The following ASPM variants were observed in gnomAD, a reference collection of about 807,000 sequenced individuals.
The protein encoded by ASPM is assembly factor for spindle microtubules, also known as abnormal spindle-like microcephaly-associated protein.
A neutral mutation model predicts 366.4 loss-of-function variants in ASPM; 256 were observed. The ratio of observed to expected loss-of-function variants is 0.70; its 90% CI spans 0.63 to 0.77. ASPM has a LOEUF of 0.77. Ranked by LOEUF, ASPM falls within the 30% of genes least tolerant of loss-of-function variation. The pLI is 0.00. For missense variants in ASPM, 4,146 were observed against 4,090.4 expected (o/e 1.01, Z -0.37); for synonymous variants, 1,414 against 1,342.9 (o/e 1.05, Z -1.16).
rs542824846 is a variant in ASPM at position 197,093,390 on chromosome 1, T to C, written c.9085-129A>G. ...TATAGTCTAAGAATGCCATGTTTCA[T>C]AGATATGAAATGATGATGAAGCATT... On this transcript the variant is annotated intron_variant, in intron 20 of 27. Coordinates refer to ENST00000367409, the MANE Select transcript of ASPM (RefSeq NM_018136.5). The C allele has an allele frequency of 1.2e-3, 973 of 832,404 alleles. 1 individual carries two copies. The highest frequency in any genetic ancestry group is 1.6e-3 in the Non-Finnish European group (813 of 501,738). 51.6% of individuals were successfully genotyped at this position (832,404 alleles called of 1,614,324 possible).
In ASPM at chr1:197,084,261, T is replaced by A. The variant is rs1462689843; in HGVS notation, c.*63A>T. 8.0e-7 allele frequency: 1 copy of A among 1,248,984 alleles called. No individual in the cohort carries two copies. Among genetic ancestry groups the A allele is most frequent in the Non-Finnish European group, 1.2e-6 (1 of 853,560 alleles). The allele number at this position is 1,248,984 out of a possible 1,614,324, so 77.4% of individuals were successfully genotyped here. A position where few individuals can be genotyped will look rare whatever the true frequency, so the allele number is the denominator to read the frequency against. Reference sequence around the variant, plus strand: ...TGTACACGGAGAGCAAAAATCACTTTACGTACTCATGATTGGCTTTAATAT... The same window carrying A: ...TGTACACGGAGAGCAAAAATCACTTAACGTACTCATGATTGGCTTTAATAT... On this transcript the variant is annotated 3_prime_UTR_variant, in exon 28 of 28. Transcript: ENST00000367409.
At chr1:197,118,984 G>C (rs1019606924) in intron 16 of ASPM, among the ~76,000 whole-genome samples, 2 of 151,682 alleles carry the variant, frequency 1.3e-5, no homozygotes, top group Non-Finnish European at 2.9e-5. Context: ...TGCAAGGGTA[G>C]GCTCTACACA....
rs2125093287 is a variant in ASPM at position 197,100,546 on chromosome 1, T to C, written c.8705A>G (p.Gln2902Arg). 3 of 1,611,744 alleles carry C rather than the reference T, an allele frequency of 1.9e-6. No individual in the cohort carries two copies. The highest frequency in any genetic ancestry group is 2.5e-6 in the Non-Finnish European group (3 of 1,178,618). The change falls in exon 18 of 28, where the codon CAA becomes CGA. Residue 2902 changes from glutamine (Q) to arginine (R), a missense_variant. By Grantham distance (43) the Gln-to-Arg change is conservative. Around this residue, in one of 3 missense-constraint regions of ASPM, gnomAD observed 3,624 missense variants for 3,591.7 expected, o/e 1.01. Coordinates refer to ENST00000367409, the MANE Select transcript of ASPM (RefSeq NM_018136.5). ...HYRAFLSAKH[Q>R]RQVYLQIRSS... ...TCTGATCTGTAAATAGACTTGTCTT[T>C]GATGTTTTGCAGACAGAAATGCTCT...
chr1:197,098,379 A>C (rs1298654115), intron 18 of ASPM, among the ~76,000 whole-genome samples: 1 of 151,666 alleles, frequency 6.6e-6, no homozygotes, highest in Non-Finnish European at 1.5e-5. Context: ...TTAAAATTCC[A>C]GGTGACTCCA....
Position 197,102,089 on chromosome 1 carries a change from C to T in ASPM, c.7162G>A (p.Ala2388Thr). Residue 2388 changes from alanine (A) to threonine (T), a missense_variant, in exon 18 of 28, where the codon GCT becomes ACT. By Grantham distance (58) the Ala-to-Thr change is moderately conservative. Coordinates refer to ENST00000367409, the MANE Select transcript of ASPM (RefSeq NM_018136.5). ...RQHYLRQRHS[A>T]VILQAAFRGM... is the part of the protein sequence containing the mutation. ...CTGAATGCAGCCTGAAGGATCACAG[C>T]AGAGTGTCTTTGTCTGAGATAATGC... is the stretch of plus-strand genomic sequence containing the variant. 6.2e-7 allele frequency: 1 copy of T among 1,612,978 alleles called. No individual in the cohort carries two copies. The highest frequency in any genetic ancestry group is 8.5e-7 in the Non-Finnish European group (1 of 1,179,310).
intron 26 of ASPM, among the ~76,000 whole-genome samples, chr1:197,087,574 T>C (rs1656636211): frequency 6.6e-6 from 1 of 152,090 alleles, no homozygotes; most frequent in Non-Finnish European, 1.5e-5. Context: ...ACCTATCATA[T>C]CCAGTTACCA....
intron 4 of ASPM, among the ~76,000 whole-genome samples, chr1:197,136,861 C>A (rs950840344): frequency 1.3e-5 from 2 of 151,990 alleles, no homozygotes; most frequent in African/African-American, 4.8e-5. Flanking sequence ...GAAACAAACA[C>A]TAATTTTTTT....
At position 197,103,207 on chromosome 1, in the gene ASPM, T is replaced by C. The variant is rs998764604; in HGVS notation, c.6044A>G (p.His2015Arg). The C allele has an allele frequency of 6.2e-7, 1 of 1,612,682 alleles. No homozygotes were observed. Among genetic ancestry groups the C allele is most frequent in the African/African-American group, 1.3e-5 (1 of 74,798 alleles). The part of the protein sequence containing the change: ...RAYSIGREQN[H>R]LYLKTKAAVV... ...AGCTGCTTTTGTTTTCAAATATAAATGATTCTGTTCTCTTCCAATACTGTA... is the reference window on the plus strand; with the variant it reads ...AGCTGCTTTTGTTTTCAAATATAAACGATTCTGTTCTCTTCCAATACTGTA... Residue 2015 changes from histidine (H) to arginine (R), a missense_variant, in exon 18 of 28, where the codon CAT (histidine) becomes CGT (arginine). By Grantham distance (29) the His-to-Arg change is conservative. Around this residue, in one of 3 missense-constraint regions of ASPM, gnomAD observed 3,624 missense variants for 3,591.7 expected, o/e 1.01. Coordinates refer to ENST00000367409, the MANE Select transcript of ASPM (RefSeq NM_018136.5).
intron 10 of ASPM, among the ~76,000 whole-genome samples, chr1:197,127,774 C>T (rs1658133727): frequency 6.6e-6 from 1 of 152,160 alleles, no homozygotes. Context: ...GCAATCTATT[C>T]TACCACTTCA....
Position 197,089,966 on chromosome 1 carries a change from G to C in ASPM, c.9948C>G (p.Ile3316Met). The C allele has an allele frequency of 6.2e-7, 1 of 1,613,222 alleles. No homozygotes were observed. Among genetic ancestry groups the C allele is most frequent in the Non-Finnish European group, 8.5e-7 (1 of 1,179,460 alleles). Residue 3316 changes from isoleucine to methionine, a missense_variant, in exon 25 of 28, where the codon ATC becomes ATG. This residue lies in a region of ASPM where 3,624 missense variants were observed against 3,591.7 expected (regional missense o/e 1.01). Coordinates refer to ENST00000367409, the MANE Select transcript of ASPM (RefSeq NM_018136.5). ...TAAGCAAGACTTGCACAGCATATCT[G>C]ATGACTTCCATACAAGGAATACTGC... is the stretch of plus-strand genomic sequence containing the variant. ...CNRSIPCMEVIRYAVQVLLNV... is the reference protein window; with the variant it reads ...CNRSIPCMEVMRYAVQVLLNV...
In ASPM at chr1:197,122,027, A is replaced by G; in HGVS notation, c.3758T>C (p.Leu1253Ser). 6.2e-7 allele frequency: 1 copy of G among 1,612,494 alleles called. No homozygotes were observed. Among genetic ancestry groups the G allele is most frequent in the South Asian group, 1.1e-5 (1 of 91,028 alleles). Residue 1253 changes from leucine (L) to serine (S), a missense_variant, in exon 16 of 28, where the codon TTG (leucine) becomes TCG (serine). Physicochemically the swap from Leu to Ser is moderately radical, Grantham distance 145. This residue lies in a region of ASPM where 3,624 missense variants were observed against 3,591.7 expected (regional missense o/e 1.01). Transcript: ENST00000367409. ...IPDEKVVITYLSFLCARLLDL... is the reference protein window; with the variant it reads ...IPDEKVVITYSSFLCARLLDL... ...CAAAAGCCTTGCACAAAGAAATGAC[A>G]AATAGGTAATAACCACCTAAAAAAA...
chr1:197,113,675 G>T (rs779428083), intron 17 of ASPM, among the ~76,000 whole-genome samples: 1 of 152,036 alleles, frequency 6.6e-6, no homozygotes, highest in East Asian at 1.9e-4. Context: ...AATTTCATTA[G>T]TAAGATATAA....
At position 197,103,897 on chromosome 1, in the gene ASPM, T is replaced by C. The variant is rs1404369116; in HGVS notation, c.5354A>G (p.Tyr1785Cys). ...YKAIIVIQNY[Y>C]HAYKAQVNQR... ...ATTGACCTGTGCTTTGTATGCATGATAGTAATTCTGAATGACAATAATTGC... is the reference window on the plus strand; with the variant it reads ...ATTGACCTGTGCTTTGTATGCATGACAGTAATTCTGAATGACAATAATTGC... Residue 1785 changes from tyrosine (Y) to cysteine (C), a missense_variant, in exon 18 of 28, where the codon TAT becomes TGT. Around this residue, in one of 3 missense-constraint regions of ASPM, gnomAD observed 3,624 missense variants for 3,591.7 expected, o/e 1.01. Transcript: ENST00000367409. 6.8e-6 allele frequency: 11 copies of C among 1,612,756 alleles called. No individual in the cohort carries two copies. Among genetic ancestry groups the C allele is most frequent in the African/African-American group, 5.3e-5 (4 of 74,840 alleles).
chr1:197,126,500 C>A (rs988771160), intron 10 of ASPM, among the ~76,000 whole-genome samples: 1 of 142,576 alleles, frequency 7.0e-6, no homozygotes, highest in Non-Finnish European at 1.5e-5. Context: ...AAAAATAGCA[C>A]TGAACATTAA....
intron 22 of ASPM, among the ~76,000 whole-genome samples, chr1:197,091,358 A>C (rs1372427913): frequency 6.6e-6 from 1 of 152,068 alleles, no homozygotes; most frequent in Non-Finnish European, 1.5e-5. Context: ...CTTTATATGT[A>C]AATGTATGTT....
At chr1:197,125,851 G>C (rs537032459) in intron 10 of ASPM, among the ~76,000 whole-genome samples, 1 of 152,088 alleles carries the variant, frequency 6.6e-6, no homozygotes. Flanking sequence ...AAAGCTGGTA[G>C]AATTACTTAT....
In ASPM at chr1:197,104,332, T is replaced by G. The variant is rs373825544; in HGVS notation, c.4919A>C (p.Gln1640Pro). 6.2e-7 allele frequency: 1 copy of G among 1,613,012 alleles called. No individual in the cohort carries two copies. The highest frequency in any genetic ancestry group is 1.3e-5 in the African/African-American group (1 of 74,836). Reference sequence around the variant, plus strand: ...GGCTTGCATCCCTCTATATGCAGACTGCAGCACAATGACAGCAGAGCGTGT... The same window carrying G: ...GGCTTGCATCCCTCTATATGCAGACGGCAGCACAATGACAGCAGAGCGTGT... ...QKTRSAVIVLQSAYRGMQARK... is the reference protein window; with the variant it reads ...QKTRSAVIVLPSAYRGMQARK... The change falls in exon 18 of 28, where the codon CAG (glutamine) becomes CCG (proline). Residue 1640 changes from glutamine (Q) to proline (P), a missense_variant. This residue lies in a region of ASPM where 3,624 missense variants were observed against 3,591.7 expected (regional missense o/e 1.01). Transcript: ENST00000367409.
chr1:197,109,271 G>GC (rs1657510028), intron 17 of ASPM, among the ~76,000 whole-genome samples: 1 of 151,816 alleles, frequency 6.6e-6, no homozygotes, highest in Non-Finnish European at 1.5e-5. Flanking sequence ...TTACACAGAT[G>GC]CAAAACTCTT....
In ASPM at chr1:197,143,131, T is replaced by A; in HGVS notation, c.1121A>T (p.Asp374Val). ...TAGATCCTGATTTAGTCCATAATTA[T>A]CTTTTATGAAAGAATCTGGACTTAA... ...KILSPDSFIKDNYGLNQDLES... is the reference protein window; with the variant it reads ...KILSPDSFIKVNYGLNQDLES... The change falls in exon 3 of 28, where the codon GAT (aspartate) becomes GTT (valine). Residue 374 changes from aspartate (D) to valine (V), a missense_variant. Transcript: ENST00000367409. 1 of 1,612,960 alleles carries A rather than the reference T, an allele frequency of 6.2e-7. No individual in the cohort carries two copies. The highest frequency in any genetic ancestry group is 8.5e-7 in the Non-Finnish European group (1 of 1,179,096).
Sources: gnomAD v4.1 joint callset for allele counts (sites outside exome capture counted in the v4.1 genomes callset) on GRCh38, gnomAD v4.1.1 for gene constraint, gnomAD v4.1.1 regional missense constraint, MANE v1.5 for transcripts, NCBI Gene and HGNC (gene_info 2026-07-23, HGNC 2026-07-21) for gene names.